RASA3: variants seen among roughly 807,000 people sequenced by gnomAD.
The protein encoded by RASA3 is ras GTPase-activating protein 3.
A neutral mutation model predicts 110.0 loss-of-function variants in RASA3; 73 were observed. The ratio of observed to expected loss-of-function variants is 0.66; its 90% CI spans 0.55 to 0.81. The LOEUF is 0.81. Among genes scored for constraint, RASA3 ranks in the 30% least tolerant of loss-of-function variants. The pLI is 0.00. For synonymous variants in RASA3, 500 were observed against 451.4 expected (o/e 1.11, Z -1.37); for missense variants, 976 against 1,113.2 (o/e 0.88, Z 1.75).
At chr13:114,118,277 A>T (rs2080323356) in intron 1 of RASA3, among the ~76,000 whole-genome samples, 1 of 152,096 alleles carries the variant, frequency 6.6e-6, no homozygotes, top group African/African-American at 2.4e-5. Flanking sequence ...CCAGGGGGGC[A>T]AACTCAGGCC....
At position 114,048,146 on chromosome 13, in the gene RASA3, T is replaced by C. The variant is rs1284807177; in HGVS notation, c.277+3906A>G. ...TTGGCTAACACGGTGAAACCCCGTCTCTACTGAAAATACAAAAAATTAGCC... is the reference window on the plus strand; with the variant it reads ...TTGGCTAACACGGTGAAACCCCGTCCCTACTGAAAATACAAAAAATTAGCC... On this transcript the variant is annotated intron_variant, in intron 3 of 23. Transcript: ENST00000334062. This position sits in a 1 kb window ranked among gnomAD's most constrained non-coding sequence, Gnocchi z 4.3. 6.6e-6 allele frequency among the ~76,000 whole-genome samples: 1 copy of C among 151,970 alleles called. No homozygotes were observed. Among genetic ancestry groups the C allele is most frequent in the Non-Finnish European group, 1.5e-5 (1 of 67,978 alleles).
intron 1 of RASA3, among the ~76,000 whole-genome samples, chr13:114,080,982 GCCCC>G (rs2139693541): frequency 6.6e-6 from 1 of 151,746 alleles, no homozygotes; most frequent in African/African-American, 2.4e-5. Flanking sequence ...CACCAAGAGT[GCCCC>G]TCGGCAGAGG....
chr13:114,003,948 T>C (rs577050237), intron 18 of RASA3, among the ~76,000 whole-genome samples: 28 of 152,362 alleles, frequency 1.8e-4, no homozygotes, highest in African/African-American at 5.8e-4. Flanking sequence ...ACACCCTTTC[T>C]GCAGAAAGTA....
At chr13:114,000,974 G>A (rs370683845) in intron 18 of RASA3, 42 bp from the exon 19 acceptor site, 2 of 1,372,390 alleles carry the variant, frequency 1.5e-6, no homozygotes, top group Non-Finnish European at 2.1e-6. Flanking sequence ...GGCCTCAGCT[G>A]CCTCCCTGCA....
chr13:113,995,155 G>T (rs1212702007), intron 21 of RASA3, among the ~76,000 whole-genome samples: 1 of 152,228 alleles, frequency 6.6e-6, no homozygotes, highest in Non-Finnish European at 1.5e-5. Context: ...AAATGGCCTG[G>T]AAGGAAGCCT....
chr13:113,994,101 ATTT>A (rs938859332), intron 21 of RASA3, among the ~76,000 whole-genome samples: 1 of 152,178 alleles, frequency 6.6e-6, no homozygotes, highest in African/African-American at 2.4e-5. Flanking sequence ...AACGTCTGTA[ATTT>A]TTTCCATACT....
chr13:114,018,337 C>A (rs2053840284), intron 10 of RASA3, 85 bp from the exon 11 acceptor site: 5 of 1,443,366 alleles, frequency 3.5e-6, no homozygotes, highest in Non-Finnish European at 4.6e-6. Flanking sequence ...GGTCTCACTT[C>A]CAGCCACAAT....
chr13:114,031,170 TCTGC>T (rs776062958), intron 4 of RASA3, among the ~76,000 whole-genome samples: 9 of 151,482 alleles, frequency 5.9e-5, no homozygotes, highest in Non-Finnish European at 8.8e-5. Flanking sequence ...GCTGTGTGTG[TCTGC>T]CTGTCTGTGC....
chr13:114,094,832 T>G (rs1446122804), intron 1 of RASA3, among the ~76,000 whole-genome samples: 3 of 152,254 alleles, frequency 2.0e-5, no homozygotes, highest in Admixed American at 6.5e-5. Context: ...CGTTTAGATA[T>G]GTGCACAGCC....
At position 114,029,811 on chromosome 13, in the gene RASA3, C is replaced by T. The variant is rs374146859; in HGVS notation, c.449G>A (p.Arg150His). ...GGTCTCTAGTGAGGACGTGTCTTACCGTGTGGCGAGCTTGTGGCAGACGAC... is the reference window on the plus strand; with the variant it reads ...GGTCTCTAGTGAGGACGTGTCTTACTGTGTGGCGAGCTTGTGGCAGACGAC... ...TGVVCHKLAT[R>H]IVECQGLPIV... The change falls in exon 5 of 24, where the codon CGC becomes CAC. Residue 150 changes from arginine to histidine, a missense_variant and splice_region_variant. Arg to His is a conservative substitution (Grantham distance 29, BLOSUM62 0). Coordinates refer to ENST00000334062, the MANE Select transcript of RASA3 (RefSeq NM_007368.4). The T allele has an allele frequency of 2.6e-5, 42 of 1,591,438 alleles. No homozygotes were observed. The highest frequency in any genetic ancestry group is 4.0e-5 in the African/African-American group (3 of 74,366).
chr13:114,055,701 T>C (rs2297096), intron 2 of RASA3, among the ~76,000 whole-genome samples: 13,136 of 152,186 alleles, frequency 0.086, 1,211 homozygotes, highest in African/African-American at 0.22. Context: ...GGTGTTTGAA[T>C]GTGTGAAAGC....
chr13:114,054,425 T>C (rs1240727327), intron 2 of RASA3, among the ~76,000 whole-genome samples: 1 of 147,682 alleles, frequency 6.8e-6, no homozygotes, highest in African/African-American at 2.4e-5. Flanking sequence ...CGGGCGACTG[T>C]TGCTGCCCGG....
chr13:114,023,296 T>A (rs12871799), intron 8 of RASA3, among the ~76,000 whole-genome samples: 3 of 148,764 alleles, frequency 2.0e-5, no homozygotes, highest in African/African-American at 2.5e-5. Context: ...ATCCCAGGCT[T>A]GGGGGCATCC....
intron 19 of RASA3, among the ~76,000 whole-genome samples, chr13:113,999,901 G>T (rs1322795191): frequency 2.3e-5 from 1 of 43,198 alleles, no homozygotes; most frequent in African/African-American, 1.0e-4. Flanking sequence ...TCTCTACCGG[G>T]GGTCTCTACC....
intron 12 of RASA3, 137 bp from the exon 13 acceptor site, chr13:114,016,408 C>T (rs1180190922): frequency 1.0e-5 from 7 of 682,666 alleles, no homozygotes; most frequent in South Asian, 7.5e-5. Context: ...TCCCCGAACC[C>T]GGCCACTGGC....
intron 1 of RASA3, among the ~76,000 whole-genome samples, chr13:114,116,612 GAAA>G (rs1166077846): frequency 2.0e-5 from 3 of 150,954 alleles, no homozygotes; most frequent in African/African-American, 7.3e-5. Context: ...AAAGTTATTT[GAAA>G]AAAGTTATTC....
chr13:114,101,767 G>C (rs1451902925), intron 1 of RASA3, among the ~76,000 whole-genome samples: 1 of 152,214 alleles, frequency 6.6e-6, no homozygotes, highest in Non-Finnish European at 1.5e-5. Flanking sequence ...GGTCCTGGGG[G>C]TGAGAGGCTT....
chr13:114,036,526 G>GT (rs1195359841), intron 4 of RASA3, among the ~76,000 whole-genome samples: 2 of 151,916 alleles, frequency 1.3e-5, no homozygotes, highest in Admixed American at 6.6e-5. Flanking sequence ...GAGTTGTGGG[G>GT]TTTTTTTTCT....
intron 7 of RASA3, among the ~76,000 whole-genome samples, chr13:114,026,372 C>T (rs1251811848): frequency 2.6e-5 from 4 of 152,234 alleles, no homozygotes; most frequent in South Asian, 4.1e-4. Context: ...TGCCTTCCCT[C>T]GCTCTGGCAA....
Sources: gnomAD v4.1 joint callset for allele counts (sites outside exome capture counted in the v4.1 genomes callset) on GRCh38, gnomAD v4.1.1 for gene constraint, Gnocchi (gnomAD v3.1) non-coding constraint, MANE v1.5 for transcripts, NCBI Gene and HGNC (gene_info 2026-07-23, HGNC 2026-07-21) for gene names.